Variants in NTM observed in about 807,000 individuals in gnomAD.
NTM encodes the protein neurotrimin.
In NTM, 13 loss-of-function variants were observed where a neutral mutation model predicts 42.1. The ratio of observed to expected loss-of-function variants is 0.31; its 90% CI spans 0.20 to 0.49. The LOEUF (loss-of-function observed/expected upper bound fraction) is 0.49, where lower values mean the gene tolerates loss of function less well. Ranked by LOEUF, NTM falls within the 20% of genes least tolerant of loss-of-function variation. NTM has a pLI of 0.99. For missense variants in NTM, 373 were observed against 452.8 expected (o/e 0.82, Z 1.60); for synonymous variants, 187 against 179.2 (o/e 1.04, Z -0.35).
At chr11:131,673,133 G>A (rs534337290) in intron 1 of NTM, among the ~76,000 whole-genome samples, 3 of 152,140 alleles carry the variant, frequency 2.0e-5, no homozygotes, top group African/African-American at 7.2e-5. Context: ...GGGAGGGCAG[G>A]AGGGTCAGAA....
At chr11:132,319,101 G>T (rs774117717) in intron 7 of NTM, among the ~76,000 whole-genome samples, 1 of 152,182 alleles carries the variant, frequency 6.6e-6, no homozygotes, top group African/African-American at 2.4e-5. Context: ...ATTCACAGAC[G>T]TAAAATAGAG....
chr11:131,602,814 G>A (rs773314349), intron 1 of NTM, among the ~76,000 whole-genome samples: 4 of 152,058 alleles, frequency 2.6e-5, no homozygotes, highest in Admixed American at 1.3e-4. Flanking sequence ...TAAATGAACC[G>A]CCATTGACTC....
At chr11:131,737,488 T>C (rs2080622675) in intron 1 of NTM, among the ~76,000 whole-genome samples, 1 of 152,228 alleles carries the variant, frequency 6.6e-6, no homozygotes, top group Non-Finnish European at 1.5e-5. Flanking sequence ...TATTTTTATC[T>C]GGTATAAACT....
At position 131,813,210 on chromosome 11, in the gene NTM, T is replaced by C. The variant is rs1355760947; in HGVS notation, c.83-98354T>C. ...AATTTAGTTTAAGGTATCTCATGTA[T>C]TTTTTCAGTAACCAGATCGTTGCCA... On this transcript the variant is annotated intron_variant, in intron 1 of 8. Transcript: ENST00000683400. Among the ~76,000 whole-genome samples the C allele has an allele frequency of 2.0e-5, 3 of 152,192 alleles. No individual in the cohort carries two copies. In the East Asian group the frequency reaches 5.8e-4, roughly 29 times the overall value.
At chr11:131,856,473 G>A (rs1293300788) in intron 1 of NTM, among the ~76,000 whole-genome samples, 1 of 152,022 alleles carries the variant, frequency 6.6e-6, no homozygotes, top group Admixed American at 6.5e-5. Context: ...TTCAAATAAA[G>A]GCATATACAT....
chr11:132,197,836 T>G (rs1317898960), intron 3 of NTM, among the ~76,000 whole-genome samples: 1 of 152,108 alleles, frequency 6.6e-6, no homozygotes, highest in African/African-American at 2.4e-5. Context: ...ACTCATCATT[T>G]TTTATGGCTG....
At chr11:132,183,605 G>T (rs1219467526) in intron 3 of NTM, among the ~76,000 whole-genome samples, 1 of 151,770 alleles carries the variant, frequency 6.6e-6, no homozygotes, top group Admixed American at 6.6e-5. Flanking sequence ...TACTCCCTTT[G>T]ACAACACAAG....
chr11:131,880,638 A>G (rs1232971700), intron 1 of NTM, among the ~76,000 whole-genome samples: 1 of 152,214 alleles, frequency 6.6e-6, no homozygotes, highest in Non-Finnish European at 1.5e-5. Flanking sequence ...CAAGGGTCAC[A>G]GGGCTAACCC....
intron 1 of NTM, among the ~76,000 whole-genome samples, chr11:131,824,687 A>G (rs991791355): frequency 6.6e-6 from 1 of 152,214 alleles, no homozygotes; most frequent in Non-Finnish European, 1.5e-5. Context: ...GTGATACACA[A>G]TTATGAGCTG....
At chr11:131,511,133 T>G (rs962101042) in intron 1 of NTM, among the ~76,000 whole-genome samples, 2 of 152,204 alleles carry the variant, frequency 1.3e-5, no homozygotes, top group Admixed American at 1.3e-4. Flanking sequence ...CCAGGCCACG[T>G]GATGAGTGGT....
At chr11:131,470,338 C>A (rs1334003999) in intron 1 of NTM, among the ~76,000 whole-genome samples, 5 of 152,166 alleles carry the variant, frequency 3.3e-5, no homozygotes, top group Non-Finnish European at 7.3e-5. Context: ...AGAAAAGAAG[C>A]TTTTGTCTAA....
chr11:131,754,247 C>T (rs982859037), intron 1 of NTM, among the ~76,000 whole-genome samples: 21 of 151,522 alleles, frequency 1.4e-4, no homozygotes, highest in African/African-American at 2.7e-4. Flanking sequence ...CTAACCTGCA[C>T]GTTGTGCACA....
chr11:131,829,596 C>G (rs1334260094), intron 1 of NTM, among the ~76,000 whole-genome samples: 4 of 152,070 alleles, frequency 2.6e-5, no homozygotes, highest in Non-Finnish European at 5.9e-5. Flanking sequence ...TTGATAGGCA[C>G]CTATGTTGAT....
In NTM at chr11:131,789,547, AAAGAAGAAGAAGAAGAAGAAG is replaced by A. The variant is rs71067336; in HGVS notation, c.83-121948_83-121928del. Among the ~76,000 whole-genome samples, 12 of 5,116 alleles carry A rather than the reference AAAGAAGAAGAAGAAGAAGAAG, an allele frequency of 2.3e-3. 1 individual carries two copies. The highest frequency in any genetic ancestry group is 6.2e-3 in the South Asian group (1 of 162). 3.4% of individuals were successfully genotyped at this position (5,116 alleles called of 152,430 possible). On this transcript the variant is annotated intron_variant, in intron 1 of 8. Transcript: ENST00000683400. ...AAGAAGAAGAAGAAGAAGAAGAAGA[AAAGAAGAAGAAGAAGAAGAAG>A]AAGAAGAAGAAGAAGAAGAAGAAGA...
intron 3 of NTM, among the ~76,000 whole-genome samples, chr11:132,201,833 G>A (rs1478999571): frequency 6.6e-6 from 1 of 152,172 alleles, no homozygotes; most frequent in East Asian, 1.9e-4. Context: ...AATCCCTGTA[G>A]GAAGAGCTTG....
At chr11:131,939,216 A>G (rs1167721612) in intron 2 of NTM, among the ~76,000 whole-genome samples, 5 of 152,148 alleles carry the variant, frequency 3.3e-5, no homozygotes, top group African/African-American at 1.2e-4. Context: ...TTGGCAGCCA[A>G]TGAGGTAGGA....
chr11:131,427,302 G>A (rs1948230928), intron 1 of NTM, among the ~76,000 whole-genome samples: 1 of 152,148 alleles, frequency 6.6e-6, no homozygotes, highest in Admixed American at 6.5e-5. Flanking sequence ...GGCATTAACT[G>A]TGAAAATGTC....
chr11:131,631,637 A>C (rs904181209), intron 1 of NTM, among the ~76,000 whole-genome samples: 1 of 152,178 alleles, frequency 6.6e-6, no homozygotes, highest in Non-Finnish European at 1.5e-5. Context: ...ATTGGCATTC[A>C]CTTTCATTTC....
chr11:131,483,345 A>G (rs894844455), intron 1 of NTM, among the ~76,000 whole-genome samples: 1 of 152,218 alleles, frequency 6.6e-6, no homozygotes, highest in African/African-American at 2.4e-5. Flanking sequence ...AGGGTTACAC[A>G]TTCGTTTCAA....
Sources: gnomAD v4.1 joint callset for allele counts (sites outside exome capture counted in the v4.1 genomes callset) on GRCh38, gnomAD v4.1.1 for gene constraint, MANE v1.5 for transcripts, NCBI Gene and HGNC (gene_info 2026-07-23, HGNC 2026-07-21) for gene names.